TBC1D5: variants seen among roughly 807,000 people sequenced by gnomAD.
TBC1D5 encodes the protein TBC1 domain family member 5.
In TBC1D5, 75 loss-of-function variants were observed where a neutral mutation model predicts 100.3. The ratio of observed to expected loss-of-function variants is 0.75; its 90% CI spans 0.62 to 0.91. The LOEUF (loss-of-function observed/expected upper bound fraction) is 0.91. TBC1D5 is among the 40% of genes least tolerant of loss of function. TBC1D5 has a pLI of 0.00. For missense variants in TBC1D5, 910 were observed against 942.4 expected (o/e 0.97, Z 0.45); for synonymous variants, 323 against 325.6 (o/e 0.99, Z 0.09).
At chr3:17,579,245 T>C (rs1267006690) in intron 2 of TBC1D5, among the ~76,000 whole-genome samples, 1 of 152,094 alleles carries the variant, frequency 6.6e-6, no homozygotes, top group Non-Finnish European at 1.5e-5. Context: ...GAAGTGGGTG[T>C]AACCTGAAGT....
In TBC1D5 at chr3:17,530,783, A is replaced by G. The variant is rs559288976; in HGVS notation, c.-35-22178T>C. The stretch of plus-strand genomic sequence containing the variant: ...AAAAGGCCTTTGACAAAATTCAACA[A>G]CCCTTCATGCTAAAAACTCCCAATA... On this transcript the variant is annotated intron_variant, in intron 2 of 21. Transcript: ENST00000253692. Among the ~76,000 whole-genome samples the G allele has an allele frequency of 2.0e-3, 297 of 152,142 alleles. 1 individual carries two copies. Among genetic ancestry groups the G allele is most frequent in the Middle Eastern group, 6.8e-3 (2 of 294 alleles).
At chr3:17,313,625 A>T (rs2084306667) in intron 13 of TBC1D5, among the ~76,000 whole-genome samples, 1 of 152,200 alleles carries the variant, frequency 6.6e-6, no homozygotes, top group South Asian at 2.1e-4. Flanking sequence ...TCTTAACTAC[A>T]GTGAATAGCA....
At chr3:17,273,090 C>T (rs1465318579) in intron 15 of TBC1D5, among the ~76,000 whole-genome samples, 2 of 152,048 alleles carry the variant, frequency 1.3e-5, no homozygotes, top group Non-Finnish European at 2.9e-5. Flanking sequence ...CAATGCGTAC[C>T]CTAAATATGT....
chr3:17,308,282 T>C, intron 13 of TBC1D5, 148 bp from the exon 14 acceptor site: 1 of 791,936 alleles, frequency 1.3e-6, no homozygotes, highest in East Asian at 3.4e-5. Flanking sequence ...ATCTATATTT[T>C]AAGCTTTCAA....
In TBC1D5 at chr3:17,684,741, A is replaced by C. The variant is rs557076228; in HGVS notation, c.-101+54602T>G. ...TTCATTAAATATAAAAATTTCCATA[A>C]GAAATATGTCATTATGACTGACATA... On this transcript the variant is annotated intron_variant, in intron 1 of 21. Coordinates refer to ENST00000253692, the Ensembl canonical transcript of TBC1D5. Among the ~76,000 whole-genome samples, 305 of 152,212 alleles carry C rather than the reference A, an allele frequency of 2.0e-3. 3 individuals carry two copies. Among genetic ancestry groups the C allele is most frequent in the Middle Eastern group, 0.017 (5 of 294 alleles).
chr3:17,225,089 G>A (rs752344483), intron 17 of TBC1D5, among the ~76,000 whole-genome samples: 7 of 152,048 alleles, frequency 4.6e-5, no homozygotes, highest in South Asian at 2.1e-4. Flanking sequence ...ACAGTCTACC[G>A]TCCATGTTCC....
chr3:17,518,551 T>TGAAA (rs1289868449), intron 2 of TBC1D5, among the ~76,000 whole-genome samples: 6 of 152,212 alleles, frequency 3.9e-5, no homozygotes, highest in Admixed American at 1.3e-4. Context: ...AGAGCCACTT[T>TGAAA]CATCAGCAAT....
At chr3:17,701,444 C>G (rs192370289) in intron 1 of TBC1D5, among the ~76,000 whole-genome samples, 112 of 152,050 alleles carry the variant, frequency 7.4e-4, no homozygotes, top group Admixed American at 1.8e-3. Context: ...CCTGCACATT[C>G]TGCACATGTA....
chr3:17,729,016 TAAAAAAAAAAAAAA>T (rs34461809), intron 1 of TBC1D5, among the ~76,000 whole-genome samples: 1 of 29,604 alleles, frequency 3.4e-5, no homozygotes, highest in Admixed American at 4.6e-4. Context: ...TGAAAATCAG[TAAAAAAAAAAAAAA>T]AAAAAAAAAA....
At chr3:17,326,117 CAGGCACCCTCACACACA>C (rs928808495) in intron 13 of TBC1D5, among the ~76,000 whole-genome samples, 1 of 152,122 alleles carries the variant, frequency 6.6e-6, no homozygotes, top group Non-Finnish European at 1.5e-5. Flanking sequence ...GAAATATAAA[CAGGCACCCTCACACACA>C]AAAATACTGT....
chr3:17,203,747 T>C (rs559146781), intron 18 of TBC1D5, among the ~76,000 whole-genome samples: 28 of 152,308 alleles, frequency 1.8e-4, no homozygotes, highest in Non-Finnish European at 2.4e-4. Context: ...TCCGCCAAGA[T>C]TGTAAATTTC....
chr3:17,712,339 AAC>A (rs2074820074), intron 1 of TBC1D5, among the ~76,000 whole-genome samples: 1 of 152,192 alleles, frequency 6.6e-6, no homozygotes, highest in Admixed American at 6.5e-5. Flanking sequence ...TGGAAATCAG[AAC>A]CGCAAAGCTG....
rs567978543 is a variant in TBC1D5, at chr3:17,364,940, A to T, written c.995+7135T>A. Among the ~76,000 whole-genome samples the T allele has an allele frequency of 1.6e-3, 246 of 152,310 alleles. 2 individuals carry two copies. Among genetic ancestry groups the T allele is most frequent in the African/African-American group, 5.7e-3 (237 of 41,566 alleles). ...TAATCGTCACAATGCTATTGCATAA[A>T]CATCTTTTATGAGCATTTTTTAAAA... On this transcript the variant is annotated intron_variant, in intron 13 of 21. Coordinates refer to ENST00000253692, the Ensembl canonical transcript of TBC1D5.
At chr3:17,385,296 A>G (rs146694356) in intron 8 of TBC1D5, among the ~76,000 whole-genome samples, 6 of 152,190 alleles carry the variant, frequency 3.9e-5, no homozygotes, top group African/African-American at 1.4e-4. Context: ...CTTTGGAACT[A>G]AAAAATGGGA....
intron 2 of TBC1D5, among the ~76,000 whole-genome samples, chr3:17,511,412 C>T (rs944958270): frequency 1.3e-5 from 2 of 151,884 alleles, no homozygotes; most frequent in African/African-American, 4.8e-5. Flanking sequence ...TTTTACAGTA[C>T]ACTTTCACTG....
At chr3:17,228,774 A>G (rs2075149976) in intron 17 of TBC1D5, among the ~76,000 whole-genome samples, 1 of 150,084 alleles carries the variant, frequency 6.7e-6, no homozygotes, top group African/African-American at 2.5e-5. Context: ...TCCTTCCTTC[A>G]TTCTCTTTCC....
chr3:17,476,598 T>C (rs2095441043), intron 3 of TBC1D5, among the ~76,000 whole-genome samples: 2 of 152,026 alleles, frequency 1.3e-5, no homozygotes, highest in Non-Finnish European at 2.9e-5. Context: ...TATTAAATAC[T>C]TGAATGACCT....
At chr3:17,724,540 A>ATTTTCTTTGTTGTTGATG in intron 1 of TBC1D5, among the ~76,000 whole-genome samples, 1 of 151,794 alleles carries the variant, frequency 6.6e-6, no homozygotes, top group South Asian at 2.1e-4. Context: ...CTTTTAAGAG[A>ATTTTCTTTGTTGTTGATG]TTTTCTTTGT....
intron 1 of TBC1D5, among the ~76,000 whole-genome samples, chr3:17,665,396 C>T (rs144679732): frequency 1.3e-5 from 2 of 152,312 alleles, no homozygotes; most frequent in Non-Finnish European, 2.9e-5. Flanking sequence ...CTGCAAATCT[C>T]TTTAACATCA....
Sources: gnomAD v4.1 joint callset for allele counts (sites outside exome capture counted in the v4.1 genomes callset) on GRCh38, gnomAD v4.1.1 for gene constraint, MANE v1.5 for transcripts, NCBI Gene and HGNC (gene_info 2026-07-23, HGNC 2026-07-21) for gene names.